Variants in TMEM132C observed in about 807,000 individuals in gnomAD.
The protein encoded by TMEM132C is protein phosphatase 1, regulatory subunit 152.
TMEM132C carries 29 observed loss-of-function variants against 61.4 expected under a neutral mutation model. That is an observed-to-expected ratio of 0.47 (90% CI 0.35 to 0.64). The LOEUF is 0.64. TMEM132C is among the 30% of genes least tolerant of loss of function. The probability of loss-of-function intolerance (pLI) is 0.00; values close to 1 mark genes in which losing one functional copy is unlikely to be tolerated. For missense variants in TMEM132C, 1,408 were observed against 1,476.9 expected, an observed-to-expected ratio of 0.95 and a Z score of 0.76; for synonymous variants, 656 against 633.1, an observed-to-expected ratio of 1.04 and a Z score of -0.54.
At chr12:128,286,190 G>A (rs753787574) in intron 1 of TMEM132C, among the ~76,000 whole-genome samples, 2 of 151,790 alleles carry the variant, frequency 1.3e-5, no homozygotes, top group African/African-American at 2.4e-5. Context: ...CTACATTATG[G>A]GAAATGTGGC....
chr12:128,579,113 C>T (rs1346190618), intron 3 of TMEM132C, among the ~76,000 whole-genome samples: 1 of 152,178 alleles, frequency 6.6e-6, no homozygotes, highest in Non-Finnish European at 1.5e-5. Flanking sequence ...AAGCTCCATT[C>T]GTGGAGTGGC....
chr12:128,681,689 T>C (rs2398419), intron 5 of TMEM132C, among the ~76,000 whole-genome samples: 75,791 of 143,932 alleles, frequency 0.53, 19,847 homozygotes, highest in Admixed American at 0.55. Context: ...AGTCTCACCC[T>C]ATCTCCCAGG....
intron 1 of TMEM132C, among the ~76,000 whole-genome samples, chr12:128,271,811 A>G (rs891653486): frequency 3.3e-5 from 5 of 152,340 alleles, no homozygotes; most frequent in Admixed American, 2.6e-4. Context: ...AGCACTCTCA[A>G]TTATATTAGT....
chr12:128,280,062 C>G (rs1302181555), intron 1 of TMEM132C, among the ~76,000 whole-genome samples: 5 of 152,196 alleles, frequency 3.3e-5, no homozygotes, highest in African/African-American at 9.6e-5. Context: ...GAGCCAGTCT[C>G]TTGAATCTTG....
intron 3 of TMEM132C, among the ~76,000 whole-genome samples, chr12:128,608,747 G>A (rs1420346445): frequency 6.6e-6 from 1 of 152,144 alleles, no homozygotes; most frequent in Non-Finnish European, 1.5e-5. Context: ...TTAGTGTAGG[G>A]TAGACACAGC....
At chr12:128,413,591 T>C (rs1268297305) in intron 1 of TMEM132C, among the ~76,000 whole-genome samples, 3 of 151,758 alleles carry the variant, frequency 2.0e-5, no homozygotes, top group Non-Finnish European at 4.4e-5. Context: ...AGTTTTCATC[T>C]GTGTTTCTCT....
intron 1 of TMEM132C, among the ~76,000 whole-genome samples, chr12:128,295,350 T>G (rs539699992): frequency 3.3e-5 from 5 of 152,274 alleles, no homozygotes; most frequent in Admixed American, 6.5e-5. Flanking sequence ...AAATAAATAT[T>G]TGGTATAGCT....
chr12:128,311,264 C>T (rs565947302), intron 1 of TMEM132C, among the ~76,000 whole-genome samples: 39 of 152,352 alleles, frequency 2.6e-4, no homozygotes, highest in Admixed American at 1.8e-3. Context: ...TTTCTAGCCA[C>T]CCCTTATTAA....
At chr12:128,340,082 G>A (rs1363314308) in intron 1 of TMEM132C, among the ~76,000 whole-genome samples, 3 of 152,192 alleles carry the variant, frequency 2.0e-5, no homozygotes, top group Non-Finnish European at 2.9e-5. Context: ...CACTAGGGGC[G>A]TCTTAAAATG....
chr12:128,622,813 T>C (rs887567790), intron 4 of TMEM132C, among the ~76,000 whole-genome samples: 2 of 152,180 alleles, frequency 1.3e-5, no homozygotes, highest in African/African-American at 4.8e-5. Context: ...TAATGTTTTA[T>C]TGTTTTTCAA....
At chr12:128,593,180 TCC>T (rs1187173488) in intron 3 of TMEM132C, among the ~76,000 whole-genome samples, 3 of 129,450 alleles carry the variant, frequency 2.3e-5, no homozygotes, top group Non-Finnish European at 4.9e-5. Context: ...TTCTCTCTCT[TCC>T]CCTCTCTCAC....
At chr12:128,328,231 C>T (rs1872581573) in intron 1 of TMEM132C, among the ~76,000 whole-genome samples, 1 of 152,126 alleles carries the variant, frequency 6.6e-6, no homozygotes, top group Non-Finnish European at 1.5e-5. Context: ...ACTTTAATAT[C>T]ATAGACATGG....
chr12:128,276,113 A>AT (rs1430923202), intron 1 of TMEM132C, among the ~76,000 whole-genome samples: 2 of 152,104 alleles, frequency 1.3e-5, no homozygotes, highest in African/African-American at 4.8e-5. Flanking sequence ...CTGAAAAGAG[A>AT]TTTTTTTCTT....
intron 2 of TMEM132C, among the ~76,000 whole-genome samples, chr12:128,512,756 A>T (rs938540906): frequency 1.3e-5 from 2 of 152,174 alleles, no homozygotes; most frequent in African/African-American, 4.8e-5. Context: ...TTCCGCACCC[A>T]CCAACATGAG....
At chr12:128,405,710 C>T (rs959722402) in intron 1 of TMEM132C, among the ~76,000 whole-genome samples, 1 of 152,148 alleles carries the variant, frequency 6.6e-6, no homozygotes. Flanking sequence ...TTATTTATTA[C>T]AATTTTAATT....
chr12:128,609,531 T>C (rs967074824), intron 3 of TMEM132C, among the ~76,000 whole-genome samples: 1 of 152,072 alleles, frequency 6.6e-6, no homozygotes, highest in Non-Finnish European at 1.5e-5. Flanking sequence ...GTGCTGGGAT[T>C]ACAGGCATGA....
At chr12:128,388,986 T>A (rs1874679835) in intron 1 of TMEM132C, among the ~76,000 whole-genome samples, 2 of 152,130 alleles carry the variant, frequency 1.3e-5, no homozygotes, top group South Asian at 4.1e-4. Flanking sequence ...CGTGACAGTT[T>A]GTATTTTGCC....
chr12:128,416,880 G>A (rs900963498), intron 2 of TMEM132C, among the ~76,000 whole-genome samples: 1 of 152,056 alleles, frequency 6.6e-6, no homozygotes, highest in African/African-American at 2.4e-5. Flanking sequence ...TTTCAGCGAC[G>A]TCATGAACTC....
In TMEM132C at chr12:128,353,691, G is replaced by T. The variant is rs190023964; in HGVS notation, c.86-61041G>T. ...AGAGAGCACAGGAGGAGGCAGCCTG[G>T]CTGGAAGTGCTGTCTCTGCCTTGGC... On this transcript the variant is annotated intron_variant, in intron 1 of 8. Transcript: ENST00000435159. Among the ~76,000 whole-genome samples, 31 of 152,022 alleles carry T rather than the reference G, an allele frequency of 2.0e-4. 1 individual carries two copies. In the East Asian group the frequency reaches 5.2e-3, roughly 26 times the overall value.
Sources: gnomAD v4.1 joint callset for allele counts (sites outside exome capture counted in the v4.1 genomes callset) on GRCh38, gnomAD v4.1.1 for gene constraint, MANE v1.5 for transcripts, NCBI Gene and HGNC (gene_info 2026-07-23, HGNC 2026-07-21) for gene names.